ALK: variants seen among roughly 807,000 people sequenced by gnomAD.
ALK encodes the protein ALK receptor tyrosine kinase.
In ALK, 74 loss-of-function variants were observed where a neutral mutation model predicts 163.1. That is an observed-to-expected ratio of 0.45 (90% CI 0.38 to 0.55). The LOEUF is 0.55. Ranked by LOEUF, ALK falls within the 20% of genes least tolerant of loss-of-function variation. The pLI is 0.00. For missense variants in ALK, 2,063 were observed against 2,105.3 expected (o/e 0.98, Z 0.39); for synonymous variants, 960 against 843.2 (o/e 1.14, Z -2.40).
chr2:29,540,872 A>G (rs1673394804), intron 3 of ALK, among the ~76,000 whole-genome samples: 1 of 152,236 alleles, frequency 6.6e-6, no homozygotes, highest in Non-Finnish European at 1.5e-5. Flanking sequence ...AATTATATAT[A>G]AACAGCCAGT....
At chr2:29,399,259 T>G in intron 4 of ALK, among the ~76,000 whole-genome samples, 1 of 152,182 alleles carries the variant, frequency 6.6e-6, no homozygotes, top group East Asian at 1.9e-4. Context: ...ATTATCTTGT[T>G]CTAGGTTTGG....
chr2:29,726,015 T>C (rs1009230729), intron 1 of ALK, among the ~76,000 whole-genome samples: 1 of 152,200 alleles, frequency 6.6e-6, no homozygotes, highest in Non-Finnish European at 1.5e-5. Flanking sequence ...GCTGCAGGTG[T>C]GCTTGGTCAC....
At chr2:29,328,688 G>T (rs774633509) in intron 5 of ALK, among the ~76,000 whole-genome samples, 2 of 152,218 alleles carry the variant, frequency 1.3e-5, no homozygotes, top group Admixed American at 6.5e-5. Context: ...AACCCCTCAC[G>T]CTCATCCATG....
intron 4 of ALK, among the ~76,000 whole-genome samples, chr2:29,416,290 G>A (rs1385858801): frequency 1.3e-5 from 2 of 152,194 alleles, no homozygotes; most frequent in Non-Finnish European, 2.9e-5. Flanking sequence ...ATGAATACTT[G>A]TATGCAAATT....
intron 1 of ALK, among the ~76,000 whole-genome samples, chr2:29,797,000 C>CCACACACA (rs34846199): frequency 2.8e-5 from 4 of 144,692 alleles, no homozygotes; most frequent in East Asian, 4.0e-4. Flanking sequence ...GCACGCACAC[C>CCACACACA]CACACACACA....
chr2:29,552,620 T>C (rs532484581), intron 3 of ALK, among the ~76,000 whole-genome samples: 22 of 152,340 alleles, frequency 1.4e-4, no homozygotes, highest in Admixed American at 1.1e-3. Flanking sequence ...TTGAGCATAT[T>C]TTTATGTGCT....
At chr2:29,917,612 G>A (rs1310854162) in intron 1 of ALK, among the ~76,000 whole-genome samples, 1 of 152,212 alleles carries the variant, frequency 6.6e-6, no homozygotes, top group Non-Finnish European at 1.5e-5. Context: ...GGGAGGCAAT[G>A]ATAATGTGAG....
intron 9 of ALK, among the ~76,000 whole-genome samples, chr2:29,289,610 G>A (rs1665965121): frequency 6.6e-6 from 1 of 151,466 alleles, no homozygotes; most frequent in African/African-American, 2.4e-5. Context: ...TTGCCTAAGT[G>A]TATATATATA....
intron 1 of ALK, among the ~76,000 whole-genome samples, chr2:29,883,429 A>G (rs1666914730): frequency 2.0e-5 from 3 of 152,200 alleles, no homozygotes; most frequent in Admixed American, 2.0e-4. Context: ...AAACCTTCCC[A>G]GACTCTCCAT....
chr2:29,518,660 A>G (rs10187810), intron 4 of ALK, among the ~76,000 whole-genome samples: 10,825 of 152,250 alleles, frequency 0.071, 682 homozygotes, highest in African/African-American at 0.17. Flanking sequence ...TGCTGGTAAG[A>G]ATCCCTCTGA....
chr2:29,525,664 C>T (rs1284789469), intron 4 of ALK, among the ~76,000 whole-genome samples: 3 of 151,802 alleles, frequency 2.0e-5, no homozygotes, highest in Non-Finnish European at 4.4e-5. Context: ...GTGGTGGGGG[C>T]CTGTAATCCC....
chr2:29,314,100 C>T (rs1173073406), intron 8 of ALK, among the ~76,000 whole-genome samples: 1 of 152,078 alleles, frequency 6.6e-6, no homozygotes, highest in Non-Finnish European at 1.5e-5. Context: ...GAAGGATAAG[C>T]CTGTTTCCAG....
intron 2 of ALK, among the ~76,000 whole-genome samples, chr2:29,710,388 T>A (rs1679040870): frequency 6.6e-6 from 1 of 152,062 alleles, no homozygotes; most frequent in African/African-American, 2.4e-5. Context: ...TCCCATTTCT[T>A]CATCTCTCTG....
At chr2:29,756,111 C>T (rs1413902334) in intron 1 of ALK, among the ~76,000 whole-genome samples, 2 of 152,210 alleles carry the variant, frequency 1.3e-5, no homozygotes, top group Non-Finnish European at 2.9e-5. Flanking sequence ...CTCCTTTATG[C>T]TCCTTGAACA....
chr2:29,703,303 G>A (rs1458911782), intron 2 of ALK, among the ~76,000 whole-genome samples: 2 of 152,226 alleles, frequency 1.3e-5, no homozygotes, highest in African/African-American at 2.4e-5. Flanking sequence ...GGTGATGTCT[G>A]TGATACCAAT....
chr2:29,396,721 C>T (rs1433543972), intron 4 of ALK, among the ~76,000 whole-genome samples: 1 of 151,864 alleles, frequency 6.6e-6, no homozygotes, highest in Non-Finnish European at 1.5e-5. Context: ...AACATGACCA[C>T]AGTTCTCCAA....
intron 14 of ALK, 75 bp from the exon 15 acceptor site, chr2:29,232,523 T>G (rs1454750852): frequency 3.1e-6 from 5 of 1,594,826 alleles, no homozygotes; most frequent in Non-Finnish European, 4.3e-6. Flanking sequence ...TCTGGTAAAT[T>G]CAACCTGACT....
chr2:29,302,469 G>T (rs1314406974), intron 8 of ALK, among the ~76,000 whole-genome samples: 2 of 152,170 alleles, frequency 1.3e-5, no homozygotes, highest in African/African-American at 4.8e-5. Context: ...AGTGAGCCGA[G>T]ATTGCATCAT....
At chr2:29,452,503 C>A (rs573404889) in intron 4 of ALK, among the ~76,000 whole-genome samples, 17 of 152,192 alleles carry the variant, frequency 1.1e-4, no homozygotes, top group African/African-American at 4.1e-4. Context: ...GTTACTTCTT[C>A]ATTGTCTAAC....
Sources: allele counts gnomAD v4.1 joint callset (sites outside exome capture counted in the v4.1 genomes callset), GRCh38; gene constraint gnomAD v4.1.1; transcripts MANE v1.5; gene names NCBI Gene and HGNC (gene_info 2026-07-23, HGNC 2026-07-21).